Variants in TBC1D9 observed in about 807,000 individuals in gnomAD.
TBC1D9 encodes the protein TBC1 domain family member 9A.
A neutral mutation model predicts 132.0 loss-of-function variants in TBC1D9; 63 were observed. That is an observed-to-expected ratio of 0.48 (90% CI 0.39 to 0.59). TBC1D9 has a LOEUF of 0.59. TBC1D9 is among the 20% of genes least tolerant of loss of function. TBC1D9 has a pLI of 0.00. For synonymous variants in TBC1D9, 610 were observed against 609.9 expected (o/e 1.00, Z 0.00); for missense variants, 1,261 against 1,592.7 (o/e 0.79, Z 3.54).
chr4:140,626,844 A>C (rs886815200), intron 18 of TBC1D9, among the ~76,000 whole-genome samples: 1 of 152,210 alleles, frequency 6.6e-6, no homozygotes. Context: ...CTGCAGCACG[A>C]AAACAGCCAT....
At chr4:140,686,973 G>T (rs760438816) in intron 2 of TBC1D9, among the ~76,000 whole-genome samples, 2 of 152,050 alleles carry the variant, frequency 1.3e-5, no homozygotes, top group African/African-American at 4.8e-5. Context: ...TGTGAAAATG[G>T]ACTATCACTA....
At chr4:140,697,298 C>T (rs760767883) in intron 2 of TBC1D9, among the ~76,000 whole-genome samples, 11 of 152,130 alleles carry the variant, frequency 7.2e-5, no homozygotes, top group African/African-American at 1.2e-4. Flanking sequence ...GGGAGGATCA[C>T]TCAAGCCTGG....
intron 2 of TBC1D9, among the ~76,000 whole-genome samples, chr4:140,698,261 C>T (rs1287960908): frequency 1.3e-5 from 2 of 152,072 alleles, no homozygotes; most frequent in Non-Finnish European, 2.9e-5. Flanking sequence ...GTAAGTCTGT[C>T]CAGGTCAGAG....
At chr4:140,676,779 G>A (rs912271629) in intron 6 of TBC1D9, 115 bp downstream of exon 6, 19 of 1,372,474 alleles carry the variant, frequency 1.4e-5, no homozygotes, top group African/African-American at 4.3e-5. Context: ...CACCAAAGAC[G>A]CATGAACATT....
intron 1 of TBC1D9, among the ~76,000 whole-genome samples, chr4:140,730,556 G>A (rs1368239847): frequency 5.3e-5 from 8 of 151,964 alleles, no homozygotes; most frequent in African/African-American, 1.9e-4. Context: ...GCAAAACCCC[G>A]TCTGTACTAA....
intron 18 of TBC1D9, among the ~76,000 whole-genome samples, chr4:140,625,639 C>T (rs981827397): frequency 1.3e-5 from 2 of 152,138 alleles, no homozygotes; most frequent in African/African-American, 4.8e-5. Context: ...ATGTAGGCAA[C>T]AAGTGGATTT....
At chr4:140,690,563 G>A (rs1578842557) in intron 2 of TBC1D9, among the ~76,000 whole-genome samples, 1 of 151,860 alleles carries the variant, frequency 6.6e-6, no homozygotes. Flanking sequence ...TGGAGTCATC[G>A]CCAGCCACTC....
intron 13 of TBC1D9, among the ~76,000 whole-genome samples, chr4:140,654,638 A>G (rs1329356705): frequency 6.6e-6 from 1 of 152,206 alleles, no homozygotes; most frequent in African/African-American, 2.4e-5. Flanking sequence ...TGCTTACATC[A>G]TACAGTACTA....
rs1452511525 is a variant in TBC1D9, at chr4:140,755,980, T to A, written c.66A>T (p.Pro22=). The part of the protein sequence containing the change: ...NALWITERAN[P]YFILQRRKGH... ...CCTTCCTCCGCTGCAGGATGAAGTATGGGTTGGCCCTCTCGGTGATCCACA... is the reference window on the plus strand; with the variant it reads ...CCTTCCTCCGCTGCAGGATGAAGTAAGGGTTGGCCCTCTCGGTGATCCACA... Residue 22 remains proline, a synonymous_variant, in exon 1 of 21, where the codon CCA becomes CCT. Transcript: ENST00000442267. 2.5e-6 allele frequency: 4 copies of A among 1,607,854 alleles called. No individual in the cohort carries two copies. In the East Asian group the frequency reaches 6.7e-5, roughly 27 times the overall value.
At chr4:140,676,516 G>A (rs1261405574) in intron 6 of TBC1D9, among the ~76,000 whole-genome samples, 2 of 152,182 alleles carry the variant, frequency 1.3e-5, no homozygotes, top group African/African-American at 4.8e-5. Flanking sequence ...AGCTGGGCAT[G>A]GTGGCAGGCG....
intron 5 of TBC1D9, among the ~76,000 whole-genome samples, chr4:140,677,311 A>T (rs921029090): frequency 1.3e-5 from 2 of 152,170 alleles, no homozygotes; most frequent in African/African-American, 4.8e-5. Flanking sequence ...AGTCCCTTGC[A>T]TAGTCACTTA....
intron 2 of TBC1D9, among the ~76,000 whole-genome samples, chr4:140,691,738 T>G (rs1737880842): frequency 6.6e-6 from 1 of 152,338 alleles, no homozygotes; most frequent in East Asian, 1.9e-4. Flanking sequence ...TAAGAACAAT[T>G]ATCATTTCAA....
chr4:140,662,520 A>G (rs892956745), intron 9 of TBC1D9, among the ~76,000 whole-genome samples: 2 of 152,210 alleles, frequency 1.3e-5, no homozygotes, highest in Non-Finnish European at 2.9e-5. Context: ...TTTCATTAAG[A>G]TTTCACTTGA....
intron 1 of TBC1D9, among the ~76,000 whole-genome samples, chr4:140,709,231 C>T (rs982563928): frequency 3.9e-5 from 4 of 103,542 alleles, no homozygotes; most frequent in African/African-American, 1.7e-4. Flanking sequence ...CTCTCTCTCT[C>T]TCTCTCTCTC....
intron 6 of TBC1D9, among the ~76,000 whole-genome samples, chr4:140,676,196 C>T (rs1737619793): frequency 6.6e-6 from 1 of 152,182 alleles, no homozygotes; most frequent in East Asian, 1.9e-4. Flanking sequence ...GGATCTTGCC[C>T]ACATTTTCTT....
intron 16 of TBC1D9, among the ~76,000 whole-genome samples, chr4:140,632,904 T>G (rs1560866594): frequency 6.6e-6 from 1 of 152,246 alleles, no homozygotes; most frequent in African/African-American, 2.4e-5. Context: ...ATTAATATAG[T>G]AAAAGTTCTA....
chr4:140,659,284 C>A, intron 11 of TBC1D9: 1 of 203,924 alleles, frequency 4.9e-6, no homozygotes, highest in Non-Finnish European at 9.7e-6. Flanking sequence ...TTTATCAAAT[C>A]TCTTTGTGTT....
At chr4:140,745,100 C>A (rs1364269556) in intron 1 of TBC1D9, among the ~76,000 whole-genome samples, 4 of 152,026 alleles carry the variant, frequency 2.6e-5, no homozygotes, top group Non-Finnish European at 5.9e-5. Flanking sequence ...CCTGTCTGCC[C>A]AGACAAAACC....
At chr4:140,741,306 A>T (rs1487519720) in intron 1 of TBC1D9, among the ~76,000 whole-genome samples, 2 of 152,224 alleles carry the variant, frequency 1.3e-5, no homozygotes, top group Non-Finnish European at 2.9e-5. Context: ...GGCCCTGCAA[A>T]GCTATCTCTT....
Sources: gnomAD v4.1 joint callset for allele counts (sites outside exome capture counted in the v4.1 genomes callset) on GRCh38, gnomAD v4.1.1 for gene constraint, MANE v1.5 for transcripts, NCBI Gene and HGNC (gene_info 2026-07-23, HGNC 2026-07-21) for gene names.